CDH13: variants seen among roughly 807,000 people sequenced by gnomAD.
CDH13 encodes cadherin-13.
CDH13 carries 24 observed loss-of-function variants against 63.8 expected under a neutral mutation model. The ratio of observed to expected loss-of-function variants is 0.38; its 90% CI spans 0.27 to 0.53. The LOEUF (loss-of-function observed/expected upper bound fraction) is 0.53, where lower values mean the gene tolerates loss of function less well. Among genes scored for constraint, CDH13 ranks in the 20% least tolerant of loss-of-function variants. The probability of loss-of-function intolerance (pLI) is 0.85; values close to 1 mark genes in which losing one functional copy is unlikely to be tolerated. For missense variants in CDH13, 1,049 were observed against 903.1 expected (o/e 1.16, Z -2.07); for synonymous variants, 503 against 355.3 (o/e 1.42, Z -4.67).
chr16:83,237,114 C>G (rs1002798258), intron 5 of CDH13, among the ~76,000 whole-genome samples: 1 of 152,116 alleles, frequency 6.6e-6, no homozygotes, highest in Non-Finnish European at 1.5e-5. Context: ...GTGGCATGGG[C>G]AGCTTTTATG....
chr16:82,868,346 C>A (rs1475264432), intron 2 of CDH13, among the ~76,000 whole-genome samples: 1 of 152,082 alleles, frequency 6.6e-6, no homozygotes, highest in Non-Finnish European at 1.5e-5. Context: ...CCTACCAATC[C>A]ATTTGTAACA....
intron 3 of CDH13, among the ~76,000 whole-genome samples, chr16:83,090,428 G>T (rs1396823865): frequency 6.6e-6 from 1 of 152,154 alleles, no homozygotes; most frequent in Middle Eastern, 3.4e-3. Flanking sequence ...ACAAAAATGA[G>T]TTGGGCATGG....
At chr16:83,108,964 C>G (rs540868087) in intron 3 of CDH13, among the ~76,000 whole-genome samples, 21 of 152,300 alleles carry the variant, frequency 1.4e-4, no homozygotes, top group African/African-American at 4.3e-4. Flanking sequence ...CCCTTCCCCT[C>G]CCTGCCTCAC....
intron 6 of CDH13, among the ~76,000 whole-genome samples, chr16:83,475,270 C>T (rs1033036108): frequency 3.9e-4 from 60 of 152,230 alleles, no homozygotes; most frequent in African/African-American, 1.4e-3. Flanking sequence ...GGTCTGGCCG[C>T]TGAAGTGCAG....
At chr16:83,655,875 A>C (rs1490584436) in intron 8 of CDH13, among the ~76,000 whole-genome samples, 1 of 152,200 alleles carries the variant, frequency 6.6e-6, no homozygotes, top group East Asian at 1.9e-4. Context: ...AGGGGGGAAA[A>C]CAGAGGAGGA....
At chr16:82,628,046 C>G (rs547624993) in intron 1 of CDH13, among the ~76,000 whole-genome samples, 154 of 152,360 alleles carry the variant, frequency 1.0e-3, no homozygotes, top group Middle Eastern at 3.4e-3. Context: ...CTGCAGTCAC[C>G]TCTGCACCTC....
intron 8 of CDH13, among the ~76,000 whole-genome samples, chr16:83,632,462 C>T (rs139277131): frequency 1.4e-3 from 218 of 152,108 alleles, no homozygotes; most frequent in African/African-American, 4.9e-3. Context: ...TTTATTATCA[C>T]GCCGAATCCT....
Position 82,690,489 on chromosome 16 carries a change from A to C in CDH13, c.45+63352A>C, listed in dbSNP as rs189091944. Among the ~76,000 whole-genome samples, 285 of 152,326 alleles carry C rather than the reference A, an allele frequency of 1.9e-3. 1 individual carries two copies. The highest frequency in any genetic ancestry group is 6.5e-3 in the African/African-American group (272 of 41,560). ...ACATTTATTGATGATCCAGAAGAGG[A>C]AGCACACAAGTTTGTAGATTAGCCT... On this transcript the variant is annotated intron_variant, in intron 1 of 13. Coordinates refer to ENST00000567109, the MANE Select transcript of CDH13 (RefSeq NM_001257.5).
chr16:83,559,705 TTTTTCACCTTAATTCTAACCAC>T (rs1172173702), intron 7 of CDH13, among the ~76,000 whole-genome samples: 1 of 152,064 alleles, frequency 6.6e-6, no homozygotes, highest in Admixed American at 6.6e-5. Flanking sequence ...ATTCTACCCA[TTTTTCACCTTAATTCTAACCAC>T]TTTCCAGATA....
Position 83,057,296 on chromosome 16 carries a change from C to G in CDH13, c.366+25078C>G, listed in dbSNP as rs115067384. On this transcript the variant is annotated intron_variant, in intron 3 of 13. Coordinates refer to ENST00000567109, the MANE Select transcript of CDH13 (RefSeq NM_001257.5). ...TATGTCTTTATTAGCAACCTGAGAA[C>G]AGACTAATACTTGTGGTTACCTTTG... Among the ~76,000 whole-genome samples, 1,316 of 152,138 alleles carry G rather than the reference C, an allele frequency of 8.7e-3. 16 individuals carry two copies. Among genetic ancestry groups the G allele is most frequent in the African/African-American group, 0.03 (1,247 of 41,492 alleles).
At chr16:83,527,444 A>G (rs2074990246) in intron 7 of CDH13, among the ~76,000 whole-genome samples, 1 of 149,266 alleles carries the variant, frequency 6.7e-6, no homozygotes, top group East Asian at 1.9e-4. Context: ...GCGAGACCCC[A>G]TCTCAAAAAA....
chr16:83,492,943 C>A (rs1486392057), intron 7 of CDH13, among the ~76,000 whole-genome samples: 1 of 152,204 alleles, frequency 6.6e-6, no homozygotes, highest in Non-Finnish European at 1.5e-5. Flanking sequence ...CTTAGTATGA[C>A]CGCAATTTAG....
At chr16:82,778,087 C>T (rs2035581260) in intron 1 of CDH13, among the ~76,000 whole-genome samples, 1 of 152,168 alleles carries the variant, frequency 6.6e-6, no homozygotes, top group Admixed American at 6.5e-5. Flanking sequence ...TACACAAGGA[C>T]ATGCATATGA....
chr16:82,931,843 C>T (rs12447834), intron 2 of CDH13, among the ~76,000 whole-genome samples: 53,606 of 151,842 alleles, frequency 0.35, 11,548 homozygotes, highest in East Asian at 0.74. Context: ...CACATGGTCC[C>T]ACCTACAACA....
At chr16:83,014,372 G>A (rs960464325) in intron 2 of CDH13, among the ~76,000 whole-genome samples, 5 of 147,592 alleles carry the variant, frequency 3.4e-5, no homozygotes, top group African/African-American at 1.0e-4. Flanking sequence ...TTTAACTGAC[G>A]TTTCATTTGA....
rs146708015 is a variant in CDH13, at chr16:83,310,588, C to T, written c.637-34274C>T. On this transcript the variant is annotated intron_variant, in intron 5 of 13. Transcript: ENST00000567109. The stretch of plus-strand genomic sequence containing the variant: ...GCTATTGCCTTTTAGGTCCTTCACA[C>T]GTACCTGGCCAGCTCCCACCTTTCT... 7.3e-3 allele frequency among the ~76,000 whole-genome samples: 1,114 copies of T among 152,322 alleles called. 7 individuals carry two copies. Among genetic ancestry groups the T allele is most frequent in the Non-Finnish European group, 0.011 (729 of 68,036 alleles).
Position 82,768,848 on chromosome 16 carries a change from A to G in CDH13, c.46-89514A>G, listed in dbSNP as rs1597513806. Among the ~76,000 whole-genome samples the G allele has an allele frequency of 2.6e-5, 4 of 152,318 alleles. No homozygotes were observed. In the East Asian group the frequency reaches 7.7e-4, roughly 29 times the overall value. ...AGCCTAGCAAAGAAGATCAGAAGCA[A>G]TTCTGTGTCCGCAGGCTCCCTTTCA... is the stretch of plus-strand genomic sequence containing the variant. On this transcript the variant is annotated intron_variant, in intron 1 of 13. Coordinates refer to ENST00000567109, the MANE Select transcript of CDH13 (RefSeq NM_001257.5).
At chr16:83,316,309 C>G (rs1367534122) in intron 5 of CDH13, among the ~76,000 whole-genome samples, 1 of 152,182 alleles carries the variant, frequency 6.6e-6, no homozygotes, top group African/African-American at 2.4e-5. Flanking sequence ...CACACATACA[C>G]ACACATACTG....
intron 1 of CDH13, chr16:82,825,706 C>T (rs149691993): frequency 0.066 from 9,978 of 151,572 alleles, 427 homozygotes; most frequent in Middle Eastern, 0.12. Flanking sequence ...CCACCATGCC[C>T]GGCTAATTTT....
Sources: gnomAD v4.1 joint callset for allele counts (sites outside exome capture counted in the v4.1 genomes callset) on GRCh38, gnomAD v4.1.1 for gene constraint, MANE v1.5 for transcripts, NCBI Gene and HGNC (gene_info 2026-07-23, HGNC 2026-07-21) for gene names.